Variants in CDK14 observed in about 807,000 individuals in gnomAD.
CDK14 encodes cyclin dependent kinase 14, also known as cyclin-dependent kinase 14.
Under a neutral mutation model 60.7 loss-of-function variants are expected in CDK14, and 34 were observed. The observed-to-expected ratio is 0.56, with a 90% CI of 0.43 to 0.75. The LOEUF (loss-of-function observed/expected upper bound fraction) is 0.75. CDK14 is among the 30% of genes least tolerant of loss of function. CDK14 has a pLI of 0.00. For synonymous variants in CDK14, 197 were observed against 203.7 expected, an observed-to-expected ratio of 0.97 and a Z score of 0.28; for missense variants, 482 against 564.1, an observed-to-expected ratio of 0.85 and a Z score of 1.47.
intron 2 of CDK14, among the ~76,000 whole-genome samples, chr7:90,651,592 A>G (rs189390798): frequency 2.0e-4 from 31 of 152,182 alleles, no homozygotes; most frequent in Non-Finnish European, 2.2e-4. Context: ...TCTGCTTTCC[A>G]TTGAGTGGAA....
At chr7:91,171,158 G>GAGATCGCGCCA (rs1166749461) in intron 14 of CDK14, among the ~76,000 whole-genome samples, 2 of 152,012 alleles carry the variant, frequency 1.3e-5, no homozygotes, top group African/African-American at 4.8e-5. Flanking sequence ...GACCATCCTC[G>GAGATCGCGCCA]CTAACACAGT....
chr7:90,909,839 A>G (rs949105687), intron 7 of CDK14, among the ~76,000 whole-genome samples: 7 of 152,182 alleles, frequency 4.6e-5, no homozygotes, highest in Admixed American at 3.9e-4. Context: ...AAGAATGTAA[A>G]TTAAATTGTT....
At chr7:90,769,532 T>A (rs1804702619) in intron 4 of CDK14, among the ~76,000 whole-genome samples, 1 of 150,516 alleles carries the variant, frequency 6.6e-6, no homozygotes, top group South Asian at 2.1e-4. Context: ...ATTGGCACCA[T>A]CTCAGCTCAC....
At chr7:91,054,015 G>A (rs1005046811) in intron 11 of CDK14, among the ~76,000 whole-genome samples, 4 of 150,808 alleles carry the variant, frequency 2.7e-5, no homozygotes, top group African/African-American at 7.3e-5. Context: ...CTATTTTTAA[G>A]CAGATTTGAG....
At chr7:91,134,332 T>C (rs1030873025) in intron 14 of CDK14, among the ~76,000 whole-genome samples, 1 of 152,174 alleles carries the variant, frequency 6.6e-6, no homozygotes, top group Non-Finnish European at 1.5e-5. Context: ...CCTCATCCCC[T>C]AAATATCTCC....
At position 91,183,071 on chromosome 7, in the gene CDK14, A is replaced by G. The variant is rs184359272; in HGVS notation, c.*29-24094A>G. 1.2e-4 allele frequency among the ~76,000 whole-genome samples: 18 copies of G among 152,316 alleles called. No homozygotes were observed. The East Asian group carries it at 3.3e-3, about 28-fold the overall frequency. On this transcript the variant is annotated intron_variant, in intron 14 of 14. Coordinates refer to ENST00000380050, the MANE Select transcript of CDK14 (RefSeq NM_001287135.2). ...CTAAGGGATTTAATCAACCTTCAGG[A>G]TATATGATTCAAAGCTCCTAAAAAA...
intron 3 of CDK14, among the ~76,000 whole-genome samples, chr7:90,730,696 T>C (rs1476640434): frequency 6.6e-6 from 1 of 152,018 alleles, no homozygotes. Context: ...CTTTTTGATG[T>C]TGTTTTCTTT....
chr7:90,623,617 G>GT (rs1419531659), intron 2 of CDK14, among the ~76,000 whole-genome samples: 3 of 151,904 alleles, frequency 2.0e-5, no homozygotes, highest in Non-Finnish European at 2.9e-5. Flanking sequence ...TGAATATCAG[G>GT]TTTTTTTTCA....
intron 9 of CDK14, among the ~76,000 whole-genome samples, chr7:90,980,712 A>T (rs1242999595): frequency 6.6e-6 from 1 of 152,324 alleles, no homozygotes; most frequent in African/African-American, 2.4e-5. Context: ...ATCCTCGAGC[A>T]TGTTTGAAAA....
At chr7:91,030,338 A>G (rs532868353) in intron 10 of CDK14, among the ~76,000 whole-genome samples, 18 of 152,178 alleles carry the variant, frequency 1.2e-4, no homozygotes, top group Admixed American at 4.6e-4. Context: ...TTTTTTTAGA[A>G]CAGGTAAATG....
chr7:91,097,665 C>T (rs1799034625), intron 12 of CDK14, among the ~76,000 whole-genome samples: 1 of 151,796 alleles, frequency 6.6e-6, no homozygotes, highest in Non-Finnish European at 1.5e-5. Context: ...ACATTTGAGG[C>T]GTGTAATGGG....
chr7:90,896,148 A>G (rs1269516673), intron 6 of CDK14, among the ~76,000 whole-genome samples: 1 of 151,912 alleles, frequency 6.6e-6, no homozygotes, highest in Non-Finnish European at 1.5e-5. Flanking sequence ...TTTTTATGTT[A>G]AAATAAATAC....
chr7:91,114,964 G>A (rs1034190041), intron 13 of CDK14, among the ~76,000 whole-genome samples: 2 of 152,130 alleles, frequency 1.3e-5, no homozygotes, highest in African/African-American at 4.8e-5. Context: ...AGTATATTTA[G>A]AAGTTTTTTA....
intron 11 of CDK14, among the ~76,000 whole-genome samples, chr7:91,056,940 G>C (rs983814387): frequency 6.6e-6 from 1 of 151,958 alleles, no homozygotes; most frequent in African/African-American, 2.4e-5. Context: ...GGGATGGCTG[G>C]GTCAAATGGT....
At chr7:90,625,842 G>A (rs938060896) in intron 2 of CDK14, among the ~76,000 whole-genome samples, 6 of 152,152 alleles carry the variant, frequency 3.9e-5, no homozygotes, top group Admixed American at 2.0e-4. Flanking sequence ...GCTTTTCTTC[G>A]TACTCGTAGT....
intron 10 of CDK14, among the ~76,000 whole-genome samples, chr7:90,987,102 A>G (rs1392913154): frequency 1.3e-5 from 2 of 151,996 alleles, no homozygotes; most frequent in Non-Finnish European, 1.5e-5. Flanking sequence ...CAAAGCTTTC[A>G]TTTGAAATCT....
At chr7:90,855,671 T>G (rs1293178500) in intron 5 of CDK14, among the ~76,000 whole-genome samples, 1 of 152,170 alleles carries the variant, frequency 6.6e-6, no homozygotes, top group African/African-American at 2.4e-5. Flanking sequence ...TGTGAAAAAA[T>G]TTAAATGCTT....
In CDK14 at chr7:90,875,291, G is replaced by C. The variant is rs377255179; in HGVS notation, c.639+12022G>C. ...CATGTGGGGTTTCTTTTCGCCTTTT[G>C]GCTGTTGTGAATAGTGCTGCTATGA... is the stretch of plus-strand genomic sequence containing the variant. On this transcript the variant is annotated intron_variant, in intron 6 of 14. Transcript: ENST00000380050. 2.0e-5 allele frequency among the ~76,000 whole-genome samples: 3 copies of C among 152,080 alleles called. No individual in the cohort carries two copies. In the East Asian group the frequency reaches 5.8e-4, roughly 29 times the overall value.
intron 10 of CDK14, among the ~76,000 whole-genome samples, chr7:91,024,709 G>T (rs928425151): frequency 1.3e-5 from 2 of 152,128 alleles, no homozygotes; most frequent in Non-Finnish European, 2.9e-5. Flanking sequence ...TTCGGCAGCC[G>T]CACTCTAATC....
Sources: gnomAD v4.1 joint callset for allele counts (sites outside exome capture counted in the v4.1 genomes callset) on GRCh38, gnomAD v4.1.1 for gene constraint, MANE v1.5 for transcripts, NCBI Gene and HGNC (gene_info 2026-07-23, HGNC 2026-07-21) for gene names.